The following APP variants were observed in gnomAD, a reference collection of about 807,000 sequenced individuals.
APP encodes the protein amyloid beta precursor protein.
A neutral mutation model predicts 101.4 loss-of-function variants in APP; 31 were observed. The ratio of observed to expected loss-of-function variants is 0.31; its 90% CI spans 0.23 to 0.41. APP has a LOEUF of 0.41. Among genes scored for constraint, APP ranks in the 10% least tolerant of loss-of-function variants. The pLI is 1.00. For missense variants in APP, 839 were observed against 1,003.7 expected, an observed-to-expected ratio of 0.84 and a Z score of 2.22; for synonymous variants, 366 against 364.4, an observed-to-expected ratio of 1.00 and a Z score of -0.05.
intron 13 of APP, among the ~76,000 whole-genome samples, chr21:25,923,157 T>A (rs2039707592): frequency 1.9e-5 from 2 of 106,506 alleles, no homozygotes; most frequent in Non-Finnish European, 3.6e-5. Context: ...TAAATGGTGC[T>A]GGGAAAACTG....
chr21:26,153,305 C>A (rs1457501756), intron 1 of APP, among the ~76,000 whole-genome samples: 1 of 152,162 alleles, frequency 6.6e-6, no homozygotes, highest in African/African-American at 2.4e-5. Flanking sequence ...AAAAATTATT[C>A]TCTCAAAAAT....
chr21:26,026,910 G>A (rs1351684636), intron 5 of APP, among the ~76,000 whole-genome samples: 2 of 152,206 alleles, frequency 1.3e-5, no homozygotes, highest in South Asian at 2.1e-4. Context: ...TAAGGGGGAC[G>A]CTGATAATGG....
At chr21:26,119,986 C>T (rs2062528795) in intron 1 of APP, among the ~76,000 whole-genome samples, 1 of 152,138 alleles carries the variant, frequency 6.6e-6, no homozygotes. Context: ...ATCTATTATT[C>T]CTCTTCATTT....
chr21:26,070,239 A>ATC (rs971922988), intron 3 of APP, among the ~76,000 whole-genome samples: 3 of 152,294 alleles, frequency 2.0e-5, no homozygotes, highest in Admixed American at 6.5e-5. Context: ...ATAAATCAGA[A>ATC]TCTCTCTCTC....
intron 2 of APP, among the ~76,000 whole-genome samples, chr21:26,094,202 A>G (rs1404178094): frequency 6.6e-6 from 1 of 152,134 alleles, no homozygotes; most frequent in Non-Finnish European, 1.5e-5. Context: ...AGTAAATTCA[A>G]CCTGATTCAG....
intron 13 of APP, among the ~76,000 whole-genome samples, chr21:25,925,706 G>T (rs987210272): frequency 8.5e-5 from 13 of 152,154 alleles, no homozygotes; most frequent in Admixed American, 2.0e-4. Flanking sequence ...AGGCCGAGGT[G>T]GGTGGTTCAC....
chr21:25,891,616 A>T (rs929848388), intron 17 of APP, 106 bp downstream of exon 17: 3 of 1,130,896 alleles, frequency 2.7e-6, no homozygotes, highest in Non-Finnish European at 4.0e-6. Flanking sequence ...AAGCACACTG[A>T]TTCGTTTTTT....
At chr21:26,056,316 A>G (rs920361706) in intron 3 of APP, among the ~76,000 whole-genome samples, 5 of 152,320 alleles carry the variant, frequency 3.3e-5, no homozygotes, top group African/African-American at 4.8e-5. Flanking sequence ...GGGATTACAG[A>G]CATGAGCCAC....
rs781612814 is a variant in APP, at chr21:25,997,341, C to G, written c.1090+19G>C. On this transcript the variant is annotated intron_variant, in intron 8 of 17. Coordinates refer to ENST00000346798, the MANE Select transcript of APP (RefSeq NM_000484.4). ...ATCCTCCTCCCCTCTTCCCTTCCCT[C>G]AGGTGAATGACAACGTACGTTTAAC... 1.9e-6 allele frequency: 3 copies of G among 1,611,602 alleles called. No homozygotes were observed. The highest frequency in any genetic ancestry group is 1.7e-5 in the Admixed American group (1 of 60,022).
chr21:25,932,384 T>G (rs2040185085), intron 13 of APP, among the ~76,000 whole-genome samples: 1 of 152,200 alleles, frequency 6.6e-6, no homozygotes, highest in African/African-American at 2.4e-5. Context: ...CCACAAATCT[T>G]GGTGCTGGAA....
chr21:25,988,067 C>T (rs1479041030), intron 8 of APP, among the ~76,000 whole-genome samples: 11 of 152,070 alleles, frequency 7.2e-5, no homozygotes, highest in African/African-American at 2.4e-4. Context: ...AGTAAGTGAG[C>T]GACCAGGCAG....
rs140038713 is a variant in APP, at chr21:25,892,964, A to C, written c.2065-1096T>G. Among the ~76,000 whole-genome samples, 84 of 151,224 alleles carry C rather than the reference A, an allele frequency of 5.6e-4. 1 individual carries two copies. Among genetic ancestry groups the C allele is most frequent in the Non-Finnish European group, 1.0e-3 (69 of 67,802 alleles). The stretch of plus-strand genomic sequence containing the variant: ...AGATAGTATTTAAAAAAAAAAAACA[A>C]AAAGGTTTCTGGTAACCCTGCATCG... On this transcript the variant is annotated intron_variant, in intron 16 of 17. Coordinates refer to ENST00000346798, the MANE Select transcript of APP (RefSeq NM_000484.4).
intron 13 of APP, among the ~76,000 whole-genome samples, chr21:25,915,321 G>A (rs1163941673): frequency 1.3e-5 from 2 of 152,166 alleles, no homozygotes; most frequent in Non-Finnish European, 2.9e-5. Flanking sequence ...GCCCTCTCCT[G>A]TATGACTCTC....
At chr21:25,886,907 G>A (rs1372173427) in intron 17 of APP, among the ~76,000 whole-genome samples, 1 of 151,992 alleles carries the variant, frequency 6.6e-6, no homozygotes, top group East Asian at 1.9e-4. Flanking sequence ...GACCTCTAAG[G>A]ACATCTTTTT....
chr21:26,146,999 A>G (rs1257212862), intron 1 of APP, among the ~76,000 whole-genome samples: 1 of 152,172 alleles, frequency 6.6e-6, no homozygotes, highest in Admixed American at 6.5e-5. Flanking sequence ...ATCTTGCACT[A>G]ATTTCCAATA....
intron 11 of APP, among the ~76,000 whole-genome samples, chr21:25,966,156 A>G (rs146187663): frequency 1.2e-4 from 18 of 152,356 alleles, no homozygotes; most frequent in Non-Finnish European, 1.9e-4. Flanking sequence ...GCAAGATTTT[A>G]TCGAACTTGG....
intron 7 of APP, among the ~76,000 whole-genome samples, chr21:25,998,713 T>C (rs2043154547): frequency 1.3e-5 from 2 of 152,090 alleles, no homozygotes; most frequent in Admixed American, 1.3e-4. Flanking sequence ...AGTTATTGAG[T>C]TTCATTTTTA....
At chr21:25,954,531 A>G (rs1039645912) in intron 13 of APP, 59 bp downstream of exon 13, 51 of 1,457,400 alleles carry the variant, frequency 3.5e-5, no homozygotes, top group Middle Eastern at 3.5e-4. Context: ...CACTTCCTCA[A>G]TTTTCCTCTG....
chr21:26,134,663 T>C (rs139275344), intron 1 of APP, among the ~76,000 whole-genome samples: 263 of 152,310 alleles, frequency 1.7e-3, no homozygotes, highest in Non-Finnish European at 2.1e-3. Context: ...CTTCATTATG[T>C]AGGTATCATT....
Sources: gnomAD v4.1 joint callset for allele counts (sites outside exome capture counted in the v4.1 genomes callset) on GRCh38, gnomAD v4.1.1 for gene constraint, MANE v1.5 for transcripts, NCBI Gene and HGNC (gene_info 2026-07-23, HGNC 2026-07-21) for gene names.